Variants in COL4A1 observed in about 807,000 individuals in gnomAD.
COL4A1 encodes collagen alpha-1(IV) chain.
In COL4A1, 40 loss-of-function variants were observed where a neutral mutation model predicts 216.6. The observed-to-expected ratio is 0.18, with a 90% confidence interval of 0.14 to 0.24. COL4A1 has a LOEUF of 0.24. COL4A1 is among the 10% of genes least tolerant of loss of function. COL4A1 has a pLI of 1.00. For synonymous variants in COL4A1, 839 were observed against 810.7 expected, an observed-to-expected ratio of 1.03 and a Z score of -0.59; for missense variants, 1,628 against 2,196.8, an observed-to-expected ratio of 0.74 and a Z score of 5.18.
Position 110,210,000 on chromosome 13 carries a change from G to C in COL4A1, c.595C>G (p.Pro199Ala). Reference sequence around the variant, plus strand: ...CTTACTGGTGGTCCGGTAAATCCTGGAGGCCCAACAGGACCTTGAAGCCCT... The same window carrying C: ...CTTACTGGTGGTCCGGTAAATCCTGCAGGCCCAACAGGACCTTGAAGCCCT... ...LPGLQGPVGPPGFTGPPGPPG... is the reference protein window; with the variant it reads ...LPGLQGPVGPAGFTGPPGPPG... Residue 199 changes from proline (P) to alanine (A), a missense_variant, in exon 10 of 52, where the codon CCA becomes GCA. Pro to Ala is a conservative substitution (Grantham distance 27, BLOSUM62 -1). Transcript: ENST00000375820. The C allele has an allele frequency of 6.2e-7, 1 of 1,614,168 alleles. No individual in the cohort carries two copies. The highest frequency in any genetic ancestry group is 8.5e-7 in the Non-Finnish European group (1 of 1,180,034).
intron 39 of COL4A1, 37 bp from the exon 40 acceptor site, chr13:110,174,035 C>T: frequency 6.2e-7 from 1 of 1,607,046 alleles, no homozygotes; most frequent in Non-Finnish European, 8.5e-7. Flanking sequence ...CCCGCATAAC[C>T]TCTCACAGCA....
At chr13:110,192,340 A>C in intron 23 of COL4A1, 56 bp from the exon 24 acceptor site, 2 of 1,530,322 alleles carry the variant, frequency 1.3e-6, no homozygotes, top group Non-Finnish European at 1.8e-6. Context: ...GACACTTCTC[A>C]AAACCTTTTC....
At chr13:110,173,044 T>G (rs2139158626) in intron 40 of COL4A1, among the ~76,000 whole-genome samples, 2 of 152,324 alleles carry the variant, frequency 1.3e-5, no homozygotes, top group Non-Finnish European at 2.9e-5. Context: ...AGTATTTGTT[T>G]CCTGCTGCCG....
intron 46 of COL4A1, among the ~76,000 whole-genome samples, 157 bp downstream of exon 46, chr13:110,164,705 T>C (rs1877253201): frequency 6.6e-6 from 1 of 152,188 alleles, no homozygotes; most frequent in Non-Finnish European, 1.5e-5. Flanking sequence ...ATGTCATAGG[T>C]TTTGATATGC....
chr13:110,261,878 C>A (rs1882842476), intron 1 of COL4A1, among the ~76,000 whole-genome samples: 1 of 152,244 alleles, frequency 6.6e-6, no homozygotes, highest in Non-Finnish European at 1.5e-5. Flanking sequence ...GGGACACCGG[C>A]TGTCCCCCGG....
chr13:110,259,359 G>A (rs1211654472), intron 1 of COL4A1, among the ~76,000 whole-genome samples: 1 of 152,102 alleles, frequency 6.6e-6, no homozygotes, highest in African/African-American at 2.4e-5. Context: ...TAAACTTTGT[G>A]CAAATCTGAA....
chr13:110,290,903 G>C (rs542172785), intron 1 of COL4A1, among the ~76,000 whole-genome samples: 12 of 152,326 alleles, frequency 7.9e-5, no homozygotes, highest in African/African-American at 2.9e-4. Context: ...GCCTTCAGTG[G>C]CCAGTGAAAC....
rs1879641992 is a variant in COL4A1 at position 110,208,965 on chromosome 13, A to G, written c.652-75T>C. 4.9e-6 allele frequency: 7 copies of G among 1,422,940 alleles called. No individual in the cohort carries two copies. The Admixed American group carries it at 1.2e-4, about 24-fold the overall frequency. The allele number at this position is 1,422,940 out of a possible 1,614,324, so 88.1% of individuals were successfully genotyped here. ...AAAGTCATTCTACAAACCTCACACA[A>G]AATGCAATAAGATGGTAGATTTCAG... is the stretch of plus-strand genomic sequence containing the variant. On this transcript the variant is annotated intron_variant, in intron 11 of 51. Coordinates refer to ENST00000375820, the MANE Select transcript of COL4A1 (RefSeq NM_001845.6).
At chr13:110,271,792 T>G (rs1883254035) in intron 1 of COL4A1, among the ~76,000 whole-genome samples, 1 of 152,238 alleles carries the variant, frequency 6.6e-6, no homozygotes, top group South Asian at 2.1e-4. Context: ...TAATTTTATT[T>G]TCCTCATTTT....
chr13:110,273,587 A>G lies in COL4A1; in HGVS notation c.85-30853T>C, dbSNP rs928083986. 3.7e-4 allele frequency among the ~76,000 whole-genome samples: 57 copies of G among 152,206 alleles called. 2 individuals are homozygous for G. The highest frequency in any genetic ancestry group is 3.7e-3 in the Admixed American group (56 of 15,280). On this transcript the variant is annotated intron_variant, in intron 1 of 51. Transcript: ENST00000375820. Reference sequence around the variant, plus strand: ...ATCCTACAGTTAACTGTCTGGTTGGAAAAAAGGGGTTTAAATTGTTTATGG... The same window carrying G: ...ATCCTACAGTTAACTGTCTGGTTGGGAAAAAGGGGTTTAAATTGTTTATGG...
At chr13:110,262,612 A>G (rs1405318975) in intron 1 of COL4A1, among the ~76,000 whole-genome samples, 1 of 152,190 alleles carries the variant, frequency 6.6e-6, no homozygotes, top group Non-Finnish European at 1.5e-5. Flanking sequence ...CATTCCTGCT[A>G]CTGTACAAGA....
chr13:110,204,764 G>T (rs1372716957), intron 17 of COL4A1, among the ~76,000 whole-genome samples: 1 of 151,870 alleles, frequency 6.6e-6, no homozygotes, highest in Admixed American at 6.6e-5. Flanking sequence ...TCTGACTGTG[G>T]ACCCCAATAT....
chr13:110,208,757 G>C (rs930209187), intron 12 of COL4A1, 92 bp downstream of exon 12: 7 of 1,182,602 alleles, frequency 5.9e-6, no homozygotes, highest in Non-Finnish European at 8.9e-6. Context: ...AACTATACTT[G>C]TAAGAGTCCA....
chr13:110,199,334 C>G (rs541417657), intron 20 of COL4A1, among the ~76,000 whole-genome samples: 4 of 152,086 alleles, frequency 2.6e-5, no homozygotes, highest in Admixed American at 1.3e-4. Context: ...GGAAACAGGA[C>G]GCAGGAAGAC....
intron 50 of COL4A1, 31 bp downstream of exon 50, chr13:110,155,252 C>A (rs778987747): frequency 6.4e-7 from 1 of 1,552,758 alleles, no homozygotes; most frequent in South Asian, 1.1e-5. Flanking sequence ...GGGCTCTTCC[C>A]GGGAAATATG....
intron 2 of COL4A1, among the ~76,000 whole-genome samples, chr13:110,240,028 A>G (rs546862496): frequency 6.6e-6 from 1 of 152,228 alleles, no homozygotes; most frequent in South Asian, 2.1e-4. Context: ...TGAGAAAAAA[A>G]TAGACCTTCT....
rs751363145 is a variant in COL4A1 at position 110,178,926 on chromosome 13, A to T, written c.2455T>A (p.Ser819Thr). The change falls in exon 31 of 52, where the codon TCA becomes ACA. Residue 819 changes from serine to threonine, a missense_variant. Physicochemically the swap from Ser to Thr is moderately conservative, Grantham distance 58 (BLOSUM62 1). Coordinates refer to ENST00000375820, the MANE Select transcript of COL4A1 (RefSeq NM_001845.6). ...PPGGQGPPGL[S>T]GPPGIKGEKG... Reference sequence around the variant, plus strand: ...ATTCTAGAAGCATGTCACTCACCTGACAACCCCGGTGGTCCCTGTCCTCCA... The same window carrying T: ...ATTCTAGAAGCATGTCACTCACCTGTCAACCCCGGTGGTCCCTGTCCTCCA... The T allele has an allele frequency of 2.5e-6, 4 of 1,610,114 alleles. No homozygotes were observed. The highest frequency in any genetic ancestry group is 3.4e-6 in the Non-Finnish European group (4 of 1,178,280).
intron 1 of COL4A1, among the ~76,000 whole-genome samples, chr13:110,286,995 A>T (rs1177724084): frequency 6.6e-6 from 1 of 152,210 alleles, no homozygotes; most frequent in Non-Finnish European, 1.5e-5. Flanking sequence ...AAAATTCAGG[A>T]GTGGCATTTG....
intron 2 of COL4A1, among the ~76,000 whole-genome samples, chr13:110,234,065 C>T (rs549516335): frequency 3.3e-4 from 51 of 152,322 alleles, no homozygotes; most frequent in Non-Finnish European, 3.8e-4. Context: ...TCACATGACA[C>T]GCATATGTCC....
Sources: allele counts gnomAD v4.1 joint callset (sites outside exome capture counted in the v4.1 genomes callset), GRCh38; gene constraint gnomAD v4.1.1; transcripts MANE v1.5; gene names NCBI Gene and HGNC (gene_info 2026-07-23, HGNC 2026-07-21).